GTF2H1: variants seen among roughly 807,000 people sequenced by gnomAD.
GTF2H1 encodes the protein BTF2 p62.
GTF2H1 carries 16 observed loss-of-function variants against 71.2 expected under a neutral mutation model. The observed-to-expected ratio is 0.22, with a 90% CI of 0.15 to 0.34. The LOEUF (loss-of-function observed/expected upper bound fraction) is 0.34, where lower values mean the gene tolerates loss of function less well. Among genes scored for constraint, GTF2H1 ranks in the 10% least tolerant of loss-of-function variants. The pLI is 1.00. For synonymous variants in GTF2H1, 215 were observed against 219.0 expected, an observed-to-expected ratio of 0.98 and a Z score of 0.16; for missense variants, 498 against 648.2, an observed-to-expected ratio of 0.77 and a Z score of 2.52.
chr11:18,358,562 C>G lies in GTF2H1; in HGVS notation c.1389C>G (p.His463Gln), dbSNP rs755239157. ...VPNDIQSELK[H>Q]LYVAVGELLR... is the part of the protein sequence containing the mutation. ...ATGATATTCAATCTGAATTGAAACA[C>G]TTATATGTAGCTGTTGGAGAACTTC... Residue 463 changes from histidine (H) to glutamine (Q), a missense_variant, in exon 13 of 15, where the codon CAC becomes CAG. By Grantham distance (24) the His-to-Gln change is conservative. Transcript: ENST00000265963. 1 of 1,611,672 alleles carries G rather than the reference C, an allele frequency of 6.2e-7. No homozygotes were observed. Among genetic ancestry groups the G allele is most frequent in the Non-Finnish European group, 8.5e-7 (1 of 1,177,830 alleles).
At chr11:18,360,769 G>T in intron 14 of GTF2H1, 62 bp downstream of exon 14, 1 of 855,134 alleles carries the variant, frequency 1.2e-6, no homozygotes, top group South Asian at 1.6e-5. Context: ...TGATGAAATT[G>T]ATTTTGCTTT....
intron 11 of GTF2H1, among the ~76,000 whole-genome samples, chr11:18,352,951 C>T (rs1229266687): frequency 6.6e-6 from 1 of 152,222 alleles, no homozygotes; most frequent in East Asian, 1.9e-4. Context: ...TTTGGCCGGG[C>T]ACAGTGGCTC....
chr11:18,362,938 G>A (rs1323535135), intron 14 of GTF2H1, among the ~76,000 whole-genome samples: 7 of 151,714 alleles, frequency 4.6e-5, no homozygotes, highest in African/African-American at 1.2e-4. Context: ...CAAAGTGCTG[G>A]GATTACAGGC....
Position 18,365,836 on chromosome 11 carries a change from A to G in GTF2H1, c.1614A>G (p.Thr538=). Reference sequence around the variant, plus strand: ...AGACAGCCTACAACAAGCTCCACACATGGCAGTCACGGCGTCTGATGAAGA... The same window carrying G: ...AGACAGCCTACAACAAGCTCCACACGTGGCAGTCACGGCGTCTGATGAAGA... ...MLQTAYNKLH[T]WQSRRLMKKT is the part of the protein sequence containing the mutation. Residue 538 remains threonine (T), a synonymous_variant, in exon 15 of 15, where the codon ACA becomes ACG. Coordinates refer to ENST00000265963, the MANE Select transcript of GTF2H1 (RefSeq NM_005316.4). 6.2e-7 allele frequency: 1 copy of G among 1,613,924 alleles called. No individual in the cohort carries two copies.
intron 1 of GTF2H1, among the ~76,000 whole-genome samples, chr11:18,323,398 G>T (rs879502210): frequency 6.6e-6 from 1 of 151,984 alleles, no homozygotes; most frequent in African/African-American, 2.4e-5. Flanking sequence ...CTGGGCTCAA[G>T]CGATTCTCCT....
intron 7 of GTF2H1, among the ~76,000 whole-genome samples, chr11:18,344,251 G>C (rs909914868): frequency 4.6e-5 from 7 of 152,130 alleles, no homozygotes; most frequent in African/African-American, 1.7e-4. Context: ...TCTTTGGCCT[G>C]TTTGCTTGCC....
chr11:18,330,819 G>C (rs1470529934), intron 1 of GTF2H1, among the ~76,000 whole-genome samples: 1 of 152,064 alleles, frequency 6.6e-6, no homozygotes, highest in Admixed American at 6.6e-5. Flanking sequence ...TAGTCCCCAG[G>C]CTCCTTGGCT....
In GTF2H1 at chr11:18,339,625, T is replaced by A; in HGVS notation, c.575T>A (p.Ile192Asn). 1 of 1,610,736 alleles carries A rather than the reference T, an allele frequency of 6.2e-7. No homozygotes were observed. The highest frequency in any genetic ancestry group is 1.1e-5 in the South Asian group (1 of 90,998). The change falls in exon 5 of 15, where the codon ATC becomes AAC. Residue 192 changes from isoleucine to asparagine, a missense_variant. Physicochemically the swap from Ile to Asn is moderately radical, Grantham distance 149. Transcript: ENST00000265963. ...NGLRYNLTSD[I>N]IESIFRTYPA... is the part of the protein sequence containing the mutation. ...CTAAGATATAATTTAACTTCTGATA[T>A]CATTGAGTCCATATTTAGGACCTAT... is the stretch of plus-strand genomic sequence containing the variant.
chr11:18,324,206 A>T (rs1341007768), intron 1 of GTF2H1: 1 of 152,238 alleles, frequency 6.6e-6, no homozygotes, highest in African/African-American at 2.4e-5. Context: ...GCACGCCACC[A>T]TGCCTGGCTA....
intron 7 of GTF2H1, among the ~76,000 whole-genome samples, chr11:18,344,910 C>A (rs1461018320): frequency 6.6e-6 from 1 of 152,062 alleles, no homozygotes; most frequent in East Asian, 1.9e-4. Flanking sequence ...GATACCTGTT[C>A]TAATGTCATT....
At chr11:18,347,422 T>G (rs545847756) in intron 7 of GTF2H1, 166 bp from the exon 8 acceptor site, 1 of 542,298 alleles carries the variant, frequency 1.8e-6, no homozygotes, top group African/African-American at 1.9e-5. Context: ...TGTTAATCTT[T>G]TATGTGCATA....
rs1437720638 is a variant in GTF2H1, at chr11:18,333,240, A to G, written c.154+12A>G. 2 of 1,594,600 alleles carry G rather than the reference A, an allele frequency of 1.3e-6. No homozygotes were observed. The highest frequency in any genetic ancestry group is 3.4e-5 in the Admixed American group (2 of 58,884). On this transcript the variant is annotated intron_variant, in intron 2 of 14. Transcript: ENST00000265963. ...TGCAGATATTAAATGTAAGTCAGCT[A>G]TACTAAGTTCTGATGTATTTGTATG...
In GTF2H1 at chr11:18,333,229, G is replaced by T; in HGVS notation, c.154+1G>T. 6.2e-7 allele frequency: 1 copy of T among 1,605,178 alleles called. No homozygotes were observed. The highest frequency in any genetic ancestry group is 8.5e-7 in the Non-Finnish European group (1 of 1,174,264). On this transcript the variant is annotated splice_donor_variant, in intron 2 of 14. Transcript: ENST00000265963. LOFTEE classifies it high-confidence loss of function. ...AGCCATATGTATGCAGATATTAAAT[G>T]TAAGTCAGCTATACTAAGTTCTGAT...
chr11:18,325,515 C>G (rs982829918), intron 1 of GTF2H1, among the ~76,000 whole-genome samples: 6 of 152,200 alleles, frequency 3.9e-5, no homozygotes, highest in Non-Finnish European at 7.3e-5. Flanking sequence ...TGCTATATTA[C>G]AGAGAACCCG....
chr11:18,365,741 C>T (rs774420824), intron 14 of GTF2H1, 42 bp from the exon 15 acceptor site: 15 of 1,378,454 alleles, frequency 1.1e-5, no homozygotes, highest in Non-Finnish European at 1.5e-5. Flanking sequence ...TTAACTTCCC[C>T]TGCTTTTGCC....
chr11:18,341,289 C>T lies in GTF2H1; in HGVS notation c.636C>T (p.Pro212=). Residue 212 remains proline (P), a synonymous_variant, in exon 6 of 15, where the codon CCC becomes CCT. Coordinates refer to ENST00000265963, the MANE Select transcript of GTF2H1 (RefSeq NM_005316.4). ...AVKMKYAENV[P]HNMTEKEFWT... is the part of the protein sequence containing the mutation. ...AAATGAAATATGCAGAAAATGTTCC[C>T]CACAACATGACAGAGAAGGAATTCT... The T allele has an allele frequency of 6.2e-7, 1 of 1,612,902 alleles. No homozygotes were observed.
intron 14 of GTF2H1, among the ~76,000 whole-genome samples, chr11:18,361,861 A>G (rs1343759991): frequency 1.3e-5 from 2 of 152,224 alleles, no homozygotes; most frequent in African/African-American, 4.8e-5. Context: ...GGGGAAAGTC[A>G]GTGGATGAGG....
At chr11:18,340,813 C>T (rs563284064) in intron 5 of GTF2H1, among the ~76,000 whole-genome samples, 5 of 152,132 alleles carry the variant, frequency 3.3e-5, no homozygotes, top group Non-Finnish European at 7.3e-5. Context: ...GAATTTTAAA[C>T]TCAGAGCTCA....
At chr11:18,350,678 G>GT (rs1865402589) in intron 9 of GTF2H1, among the ~76,000 whole-genome samples, 2 of 152,176 alleles carry the variant, frequency 1.3e-5, no homozygotes, top group Non-Finnish European at 2.9e-5. Flanking sequence ...TCAGATTGAC[G>GT]TTTTTTGAGG....
Sources: allele counts gnomAD v4.1 joint callset (sites outside exome capture counted in the v4.1 genomes callset), GRCh38; gene constraint gnomAD v4.1.1; transcripts MANE v1.5; gene names NCBI Gene and HGNC (gene_info 2026-07-23, HGNC 2026-07-21).